THNSL1: variants seen among roughly 807,000 people sequenced by gnomAD.
THNSL1 encodes the protein threonine synthase like 1, also known as threonine synthase-like 1.
THNSL1 carries 48 observed loss-of-function variants against 50.4 expected under a neutral mutation model. The ratio of observed to expected loss-of-function variants is 0.95; its 90% CI spans 0.76 to 1.21. The LOEUF (loss-of-function observed/expected upper bound fraction) is 1.21. Ranked by LOEUF, THNSL1 falls within the 50% of genes most tolerant of loss-of-function variation. The pLI is 0.00. For synonymous variants in THNSL1, 309 were observed against 306.1 expected (o/e 1.01, Z -0.10); for missense variants, 896 against 871.7 (o/e 1.03, Z -0.35).
upstream of THNSL1, among the ~76,000 whole-genome samples, chr10:25,012,702 C>G (rs1381444816): frequency 3.3e-5 from 5 of 152,164 alleles, no homozygotes; most frequent in African/African-American, 1.2e-4. Flanking sequence ...CTGGGAAGTA[C>G]CTAACTTGCT....
the THNSL1 span, among the ~76,000 whole-genome samples, chr10:25,003,178 A>AT: frequency 5.9e-3 from 669 of 112,812 alleles, 2 homozygotes; most frequent in African/African-American, 0.02. Flanking sequence ...TAATTAATTA[A>AT]TTAATTTATT....
chr10:24,965,450 T>A, the THNSL1 span, among the ~76,000 whole-genome samples: 1 of 152,172 alleles, frequency 6.6e-6, no homozygotes, highest in Non-Finnish European at 1.5e-5. Flanking sequence ...TATGCAAACC[T>A]CTGCAGAGTT....
intron 1 of THNSL1, among the ~76,000 whole-genome samples, chr10:25,020,421 A>G (rs1299343624): frequency 1.3e-5 from 2 of 152,168 alleles, no homozygotes; most frequent in Non-Finnish European, 2.9e-5. Context: ...TCTACTTTTA[A>G]TGAAGTTGAT....
chr10:24,997,175 G>T, the THNSL1 span, among the ~76,000 whole-genome samples: 4 of 152,114 alleles, frequency 2.6e-5, no homozygotes, highest in South Asian at 8.3e-4. Context: ...CATCATGCCT[G>T]TGAATAGCCA....
At chr10:25,002,806 G>A in the THNSL1 span, among the ~76,000 whole-genome samples, 33 of 152,038 alleles carry the variant, frequency 2.2e-4, no homozygotes, top group African/African-American at 7.3e-4. Flanking sequence ...AACTGAATGA[G>A]CTCATTAGAT....
At chr10:24,961,641 A>G in the THNSL1 span, among the ~76,000 whole-genome samples, 1 of 152,150 alleles carries the variant, frequency 6.6e-6, no homozygotes, top group African/African-American at 2.4e-5. Context: ...AAAGAATATT[A>G]GCTAACATAT....
In THNSL1 at chr10:25,017,128, A is replaced by G. The variant is rs1310600332; in HGVS notation, c.-216+436A>G. 3.3e-5 allele frequency among the ~76,000 whole-genome samples: 5 copies of G among 152,362 alleles called. No individual in the cohort carries two copies. The East Asian group carries it at 9.7e-4, about 29-fold the overall frequency. On this transcript the variant is annotated intron_variant, in intron 1 of 2. Transcript: ENST00000376356. The stretch of plus-strand genomic sequence containing the variant: ...TCCTCTAGGTCGTTCTCCAGGAACC[A>G]GTGGACCTGCTCTTTGTAAATGAGC...
rs749227887 is a variant in THNSL1, at chr10:25,024,667, T to A, written c.1444T>A (p.Tyr482Asn). 2 of 1,614,250 alleles carry A rather than the reference T, an allele frequency of 1.2e-6. No homozygotes were observed. ...NWGRLLPQVV[Y>N]HASAYLDLVS... ...GGGCCGACTACTTCCGCAGGTAGTT[T>A]ATCATGCTTCCGCATATCTTGATCT... is the stretch of plus-strand genomic sequence containing the variant. The change falls in exon 3 of 3, where the codon TAT becomes AAT. Residue 482 changes from tyrosine (Y) to asparagine (N), a missense_variant. Physicochemically the swap from Tyr to Asn is moderately radical, Grantham distance 143 (BLOSUM62 -2). Transcript: ENST00000376356.
the THNSL1 span, chr10:24,995,548 A>G: frequency 1.8e-6 from 2 of 1,083,272 alleles, no homozygotes; most frequent in Non-Finnish European, 2.7e-6. Context: ...CAATGTGTCC[A>G]ATGAGAGCAC....
At chr10:25,019,933 C>A (rs1850684106) in intron 1 of THNSL1, among the ~76,000 whole-genome samples, 1 of 152,012 alleles carries the variant, frequency 6.6e-6, no homozygotes, top group South Asian at 2.1e-4. Context: ...TTGGTGAAGT[C>A]CATATATATG....
chr10:25,024,322 C>T lies in THNSL1; in HGVS notation c.1099C>T (p.Pro367Ser). The T allele has an allele frequency of 1.2e-6, 2 of 1,614,124 alleles. No homozygotes were observed. The highest frequency in any genetic ancestry group is 1.7e-6 in the Non-Finnish European group (2 of 1,180,022). The change falls in exon 3 of 3, where the codon CCA becomes TCA. Residue 367 changes from proline to serine, a missense_variant. Transcript: ENST00000376356. ...GCCTCATATTTTTGCACACTGTATC[C>T]CACCAAGTTGCAATTATATGATACT... ...LMPHIFAHCI[P>S]PSCNYMILVA...
Position 25,023,402 on chromosome 10 carries a change from T to C in THNSL1, c.179T>C (p.Leu60Pro), listed in dbSNP as rs1408187185. The C allele has an allele frequency of 3.1e-6, 5 of 1,614,180 alleles. No individual in the cohort carries two copies. The highest frequency in any genetic ancestry group is 3.4e-6 in the Non-Finnish European group (4 of 1,180,006). The change falls in exon 3 of 3, where the codon CTG becomes CCG. Residue 60 changes from leucine to proline, a missense_variant. Transcript: ENST00000376356. ...CTTGTTGGAGACAAAAATATTATCC[T>C]GATGGGACCTCCTGGTGCTGGGAAA... The part of the protein sequence containing the change: ...HSLVGDKNII[L>P]MGPPGAGKTT...
At chr10:25,022,729 C>A (rs1439940254) in intron 2 of THNSL1, among the ~76,000 whole-genome samples, 1 of 152,114 alleles carries the variant, frequency 6.6e-6, no homozygotes, top group Non-Finnish European at 1.5e-5. Context: ...TATTGTTCAA[C>A]TTTTGTGAAT....
chr10:25,017,083 C>G (rs569564311), intron 1 of THNSL1, among the ~76,000 whole-genome samples: 1 of 152,204 alleles, frequency 6.6e-6, no homozygotes, highest in African/African-American at 2.4e-5. Flanking sequence ...TGCGCCTGCT[C>G]TTCCCCGGGT....
At chr10:24,997,377 CTTT>C in the THNSL1 span, among the ~76,000 whole-genome samples, 1 of 139,144 alleles carries the variant, frequency 7.2e-6, no homozygotes. Context: ...CCCTGCATTC[CTTT>C]TTTTTTTTTT....
chr10:24,993,581 C>T, the THNSL1 span, among the ~76,000 whole-genome samples: 24 of 152,282 alleles, frequency 1.6e-4, no homozygotes, highest in Admixed American at 1.4e-3. Context: ...AAAAATATGA[C>T]ATTGACTTTA....
At chr10:24,961,911 C>T in the THNSL1 span, among the ~76,000 whole-genome samples, 2 of 152,114 alleles carry the variant, frequency 1.3e-5, no homozygotes, top group Admixed American at 1.3e-4. Flanking sequence ...CTTTATTTTT[C>T]GTATCTGTTC....
Position 25,024,814 on chromosome 10 carries a change from A to T in THNSL1, c.1591A>T (p.Ile531Phe), listed in dbSNP as rs767059147. Reference sequence around the variant, plus strand: ...GATGGGAATCCCGATTCGAAAATTTATCTGTGCCTCTAATCAGAACCATGT... The same window carrying T: ...GATGGGAATCCCGATTCGAAAATTTTTCTGTGCCTCTAATCAGAACCATGT... Reference protein sequence around the residue: ...KMMGIPIRKFICASNQNHVLT... With the variant: ...KMMGIPIRKFFCASNQNHVLT... The change falls in exon 3 of 3, where the codon ATC becomes TTC. Residue 531 changes from isoleucine to phenylalanine, a missense_variant. Transcript: ENST00000376356. 6.2e-7 allele frequency: 1 copy of T among 1,614,200 alleles called. No homozygotes were observed. The highest frequency in any genetic ancestry group is 1.1e-5 in the South Asian group (1 of 91,086).
the THNSL1 span, chr10:24,952,680 GGGGAC>G: frequency 1.1e-6 from 1 of 895,802 alleles, no homozygotes; most frequent in African/African-American, 1.7e-5. This position sits in a 1 kb window ranked among gnomAD's most constrained non-coding sequence, Gnocchi z 5.1. Context: ...GGACGGGGAC[GGGGAC>G]GGGGACGGGG....
Sources: allele counts gnomAD v4.1 joint callset (sites outside exome capture counted in the v4.1 genomes callset), GRCh38; gene constraint gnomAD v4.1.1; non-coding constraint Gnocchi (gnomAD v3.1); transcripts MANE v1.5; gene names NCBI Gene and HGNC (gene_info 2026-07-23, HGNC 2026-07-21).